Variants in YME1L1 observed in about 807,000 individuals in gnomAD.
The protein encoded by YME1L1 is YME1 like 1 ATPase, also known as ATP-dependent zinc metalloprotease YME1L1.
A neutral mutation model predicts 90.4 loss-of-function variants in YME1L1; 39 were observed. That is an observed-to-expected ratio of 0.43 (90% CI 0.33 to 0.56). YME1L1 has a LOEUF of 0.56. Among genes scored for constraint, YME1L1 ranks in the 20% least tolerant of loss-of-function variants. The pLI is 0.03. For synonymous variants in YME1L1, 284 were observed against 287.3 expected (o/e 0.99, Z 0.12); for missense variants, 617 against 868.4 (o/e 0.71, Z 3.64).
At chr10:27,116,709 A>G (rs1265651931) in intron 15 of YME1L1, among the ~76,000 whole-genome samples, 1 of 151,860 alleles carries the variant, frequency 6.6e-6, no homozygotes, top group Non-Finnish European at 1.5e-5. Context: ...AATTAAATTA[A>G]AATAAAATAA....
chr10:27,133,423 G>A (rs1167093447), intron 7 of YME1L1, among the ~76,000 whole-genome samples: 1 of 152,148 alleles, frequency 6.6e-6, no homozygotes, highest in Non-Finnish European at 1.5e-5. Context: ...TGTTAAGATA[G>A]GCTGAAAAAT....
At chr10:27,150,522 G>C (rs1256728299) in intron 1 of YME1L1, among the ~76,000 whole-genome samples, 1 of 152,186 alleles carries the variant, frequency 6.6e-6, no homozygotes, top group East Asian at 1.9e-4. Context: ...TAAAGACCGT[G>C]ATGATAAAAC....
chr10:27,125,085 C>T (rs1396323612), intron 9 of YME1L1, among the ~76,000 whole-genome samples: 1 of 152,136 alleles, frequency 6.6e-6, no homozygotes, highest in African/African-American at 2.4e-5. Context: ...AGCATAAAAA[C>T]AAGCATTAAA....
chr10:27,147,442 A>C (rs771069185), intron 2 of YME1L1: 1 of 1,614,196 alleles, frequency 6.2e-7, no homozygotes, highest in South Asian at 1.1e-5. Flanking sequence ...CGTGACTAAG[A>C]ACGATGGACA....
intron 2 of YME1L1, chr10:27,147,098 T>TA (rs1298202790): frequency 2.8e-6 from 1 of 355,094 alleles, no homozygotes; most frequent in Non-Finnish European, 5.1e-6. Flanking sequence ...AAGAAAAAAT[T>TA]AAAGAGATAG....
intron 11 of YME1L1, 36 bp from the exon 12 acceptor site, chr10:27,121,484 C>A (rs2056867320): frequency 7.2e-7 from 1 of 1,385,072 alleles, no homozygotes; most frequent in African/African-American, 1.4e-5. Flanking sequence ...TTTACTAACA[C>A]TGAAGCACAG....
intron 2 of YME1L1, chr10:27,147,528 GAT>G: frequency 6.2e-7 from 1 of 1,607,794 alleles, no homozygotes; most frequent in Non-Finnish European, 8.5e-7. Context: ...GTTCTGGACG[GAT>G]GTGCCAGTTA....
rs192191520 is a variant in YME1L1, at chr10:27,110,309, T to C, written c.*1668A>G. The C allele has an allele frequency of 6.2e-4, 94 of 152,316 alleles. No individual in the cohort carries two copies. Among genetic ancestry groups the C allele is most frequent in the African/African-American group, 2.0e-3 (83 of 41,572 alleles). 9.4% of individuals were successfully genotyped at this position (152,316 alleles called of 1,614,324 possible). On this transcript the variant is annotated 3_prime_UTR_variant, in exon 19 of 19. Coordinates refer to ENST00000376016, the MANE Select transcript of YME1L1 (RefSeq NM_014263.4). ...ATCTGGATGCAGGGTATATGAGACA[T>C]CCATGTATTATGCTGGCAACATTTC...
At chr10:27,115,399 C>A (rs1373744721) in intron 17 of YME1L1, among the ~76,000 whole-genome samples, 2 of 151,098 alleles carry the variant, frequency 1.3e-5, no homozygotes, top group Admixed American at 1.3e-4. Flanking sequence ...GTAGCCTCGA[C>A]CTCCTGGGTT....
intron 8 of YME1L1, among the ~76,000 whole-genome samples, chr10:27,130,582 G>A (rs926979016): frequency 7.2e-5 from 11 of 152,282 alleles, no homozygotes; most frequent in East Asian, 5.8e-4. Context: ...ACTAAAGGCC[G>A]GGCACCGTGG....
chr10:27,112,170 A>T, intron 18 of YME1L1, 50 bp from the exon 19 acceptor site: 3 of 1,552,842 alleles, frequency 1.9e-6, no homozygotes, highest in Non-Finnish European at 2.6e-6. Context: ...AGGGATGCGA[A>T]AACCAGTCAA....
At chr10:27,137,494 A>C (rs1350003155) in intron 4 of YME1L1, among the ~76,000 whole-genome samples, 1 of 152,218 alleles carries the variant, frequency 6.6e-6, no homozygotes, top group Non-Finnish European at 1.5e-5. Context: ...AACACTGTTA[A>C]GGTTTAAATT....
chr10:27,113,423 C>A (rs951689912), intron 18 of YME1L1, among the ~76,000 whole-genome samples: 1 of 151,698 alleles, frequency 6.6e-6, no homozygotes, highest in Non-Finnish European at 1.5e-5. Context: ...GTAATCCCAG[C>A]ACTTTGGGAG....
chr10:27,149,711 CAA>C (rs58900380), intron 1 of YME1L1, among the ~76,000 whole-genome samples: 2,750 of 31,564 alleles, frequency 0.087, 19 homozygotes, highest in African/African-American at 0.21. Context: ...ACCTGTCTCT[CAA>C]AAAAAAAAAA....
intron 1 of YME1L1, among the ~76,000 whole-genome samples, chr10:27,153,663 AC>A (rs1414317677): frequency 6.6e-5 from 10 of 152,210 alleles, no homozygotes; most frequent in Non-Finnish European, 1.5e-4. Flanking sequence ...CATTTTAGTT[AC>A]TTCTGGTCAA....
intron 5 of YME1L1, 24 bp downstream of exon 5, chr10:27,136,252 T>C (rs746536024): frequency 5.0e-6 from 8 of 1,587,536 alleles, no homozygotes; most frequent in Non-Finnish European, 6.0e-6. Context: ...ATTTGCTTTT[T>C]GGATCATAAA....
chr10:27,120,454 A>G lies in YME1L1; in HGVS notation c.1392T>C (p.Asn464=), dbSNP rs1488389360. The G allele has an allele frequency of 6.2e-7, 1 of 1,613,024 alleles. No homozygotes were observed. Among genetic ancestry groups the G allele is most frequent in the African/African-American group, 1.3e-5 (1 of 75,016 alleles). The stretch of plus-strand genomic sequence containing the variant: ...ACTTACATTGATCAAACTTTATTTT[A>G]TTGAGATACCATTTCAAAATTTCTG... The part of the protein sequence containing the change: ...GRTEILKWYL[N]KIKFDQSVDP... Residue 464 remains asparagine (N), a synonymous_variant, in exon 13 of 19, where the codon AAT becomes AAC. Coordinates refer to ENST00000376016, the MANE Select transcript of YME1L1 (RefSeq NM_014263.4).
intron 12 of YME1L1, 44 bp downstream of exon 12, chr10:27,121,342 T>A (rs1473426212): frequency 7.3e-7 from 1 of 1,366,562 alleles, no homozygotes; most frequent in Non-Finnish European, 1.0e-6. Flanking sequence ...CACAATTTTG[T>A]AGCATGTAAC....
At chr10:27,143,255 G>T (rs942456064) in intron 3 of YME1L1, among the ~76,000 whole-genome samples, 2 of 151,882 alleles carry the variant, frequency 1.3e-5, no homozygotes, top group African/African-American at 4.8e-5. Context: ...TGTAATCTCA[G>T]CTACTCAGGA....
Sources: allele counts gnomAD v4.1 joint callset (sites outside exome capture counted in the v4.1 genomes callset), GRCh38; gene constraint gnomAD v4.1.1; transcripts MANE v1.5; gene names NCBI Gene and HGNC (gene_info 2026-07-23, HGNC 2026-07-21).